The following ITGA9 variants were observed in gnomAD, a reference collection of about 807,000 sequenced individuals.
ITGA9 encodes integrin subunit alpha 9.
ITGA9 carries 56 observed loss-of-function variants against 127.8 expected under a neutral mutation model. That is an observed-to-expected ratio of 0.44 (90% CI 0.35 to 0.55). ITGA9 has a LOEUF of 0.55. Among genes scored for constraint, ITGA9 ranks in the 20% least tolerant of loss-of-function variants. The probability of loss-of-function intolerance (pLI) is 0.00; values close to 1 mark genes in which losing one functional copy is unlikely to be tolerated. For missense variants in ITGA9, 1,196 were observed against 1,347.1 expected, an observed-to-expected ratio of 0.89 and a Z score of 1.76; for synonymous variants, 508 against 514.5, an observed-to-expected ratio of 0.99 and a Z score of 0.17.
intron 27 of ITGA9, among the ~76,000 whole-genome samples, chr3:37,809,714 T>G (rs1697344065): frequency 6.6e-6 from 1 of 152,130 alleles, no homozygotes; most frequent in African/African-American, 2.4e-5. Context: ...GCAATTGAAA[T>G]GTAGGATTAT....
chr3:37,544,832 G>C (rs1043228737), intron 15 of ITGA9, among the ~76,000 whole-genome samples: 16 of 152,234 alleles, frequency 1.1e-4, no homozygotes, highest in African/African-American at 3.9e-4. Context: ...TATGGTTCAA[G>C]AGGCAACATT....
In ITGA9 at chr3:37,471,154, G is replaced by GCC; in HGVS notation, c.313+20_313+21insCC. On this transcript the variant is annotated intron_variant, in intron 2 of 27. Transcript: ENST00000264741. ...CTCGAGGTGGGTGACCATTACTGCT[G>GCC]TGGTGGAAATGGGTTCTGTACCCTT... The GCC allele has an allele frequency of 6.2e-7, 1 of 1,613,612 alleles. No individual in the cohort carries two copies. Among genetic ancestry groups the GCC allele is most frequent in the South Asian group, 1.1e-5 (1 of 91,042 alleles).
chr3:37,815,158 A>G (rs10510697), intron 27 of ITGA9, among the ~76,000 whole-genome samples: 11,231 of 152,308 alleles, frequency 0.074, 448 homozygotes, highest in Middle Eastern at 0.15. Context: ...CAAGAATTGC[A>G]TACATAAAAA....
At chr3:37,769,823 A>T (rs562142061) in intron 23 of ITGA9, among the ~76,000 whole-genome samples, 44 of 152,258 alleles carry the variant, frequency 2.9e-4, no homozygotes, top group African/African-American at 1.1e-3. Context: ...TGTAGACAAG[A>T]TTTATAATCT....
rs139591293 is a variant in ITGA9, at chr3:37,480,868, C to T, written c.421-616C>T. Among the ~76,000 whole-genome samples the T allele has an allele frequency of 1.8e-3, 269 of 152,300 alleles. 2 individuals are homozygous for T. The highest frequency in any genetic ancestry group is 6.8e-3 in the Middle Eastern group (2 of 294). On this transcript the variant is annotated intron_variant, in intron 3 of 27. Transcript: ENST00000264741. ...ATTTGCACTTTTGCCCTCCTGCAGT[C>T]TCCACCAAGCAGCCAAATGGTCTTT...
rs570034113 is a variant in ITGA9 at position 37,794,886 on chromosome 3, G to A, written c.2890-8937G>A. Among the ~76,000 whole-genome samples, 39 of 152,178 alleles carry A rather than the reference G, an allele frequency of 2.6e-4. No homozygotes were observed. In the South Asian group the frequency reaches 5.8e-3, roughly 23 times the overall value. On this transcript the variant is annotated intron_variant, in intron 26 of 27. Transcript: ENST00000264741. ...AGTTTATTTTCTGTTCATTTATGTC[G>A]TCTCCATAAGTCTCCCTGTGCCTCT...
At chr3:37,587,853 A>T (rs750511561) in intron 15 of ITGA9, among the ~76,000 whole-genome samples, 3 of 152,208 alleles carry the variant, frequency 2.0e-5, no homozygotes, top group Non-Finnish European at 2.9e-5. Flanking sequence ...TCCTTGCAAC[A>T]TTAGAACCAG....
rs750650637 is a variant in ITGA9, at chr3:37,777,402, A to G, written c.2552A>G (p.Glu851Gly). ...FHVQEMVVGQ[E>G]KGNCSFQKNP... is the part of the protein sequence containing the mutation. Reference sequence around the variant, plus strand: ...TCTTTTCATTTGCAGGTGGGCCAAGAGAAGGGAAACTGCTCTTTCCAGAAA... The same window carrying G: ...TCTTTTCATTTGCAGGTGGGCCAAGGGAAGGGAAACTGCTCTTTCCAGAAA... Residue 851 changes from glutamate to glycine, a missense_variant, in exon 24 of 28, where the codon GAG (glutamate) becomes GGG (glycine). Coordinates refer to ENST00000264741, the MANE Select transcript of ITGA9 (RefSeq NM_002207.3). The G allele has an allele frequency of 1.9e-6, 3 of 1,614,164 alleles. No individual in the cohort carries two copies. The highest frequency in any genetic ancestry group is 1.7e-5 in the Admixed American group (1 of 60,022).
rs546967129 is a variant in ITGA9 at position 37,645,720 on chromosome 3, A to T, written c.1840-7994A>T. Among the ~76,000 whole-genome samples, 5 of 152,308 alleles carry T rather than the reference A, an allele frequency of 3.3e-5. No homozygotes were observed. In the East Asian group the frequency reaches 9.6e-4, roughly 29 times the overall value. ...TATAAACAGTGTTGAATCCATGTCA[A>T]TAATTGTATTTTTTAAAAGCAAATA... On this transcript the variant is annotated intron_variant, in intron 16 of 27. Coordinates refer to ENST00000264741, the MANE Select transcript of ITGA9 (RefSeq NM_002207.3).
At chr3:37,587,642 A>G (rs1467684003) in intron 15 of ITGA9, among the ~76,000 whole-genome samples, 6 of 152,022 alleles carry the variant, frequency 3.9e-5, no homozygotes, top group African/African-American at 1.5e-4. Flanking sequence ...TGAGTACTGC[A>G]TTTATTTGCT....
chr3:37,453,298 C>T (rs1698221503), intron 1 of ITGA9, among the ~76,000 whole-genome samples: 2 of 152,202 alleles, frequency 1.3e-5, no homozygotes. Context: ...GAGACCTTCA[C>T]CAGAAGCCTT....
At chr3:37,515,929 T>G (rs1231344266) in intron 9 of ITGA9, among the ~76,000 whole-genome samples, 1 of 152,132 alleles carries the variant, frequency 6.6e-6, no homozygotes, top group Non-Finnish European at 1.5e-5. Context: ...TGCTTATTGG[T>G]ACCTGTTGCA....
chr3:37,659,805 C>T (rs1395606300), intron 17 of ITGA9, among the ~76,000 whole-genome samples: 3 of 152,112 alleles, frequency 2.0e-5, no homozygotes, highest in African/African-American at 7.2e-5. Flanking sequence ...AGTTTTTCCT[C>T]ATCTTCATGG....
intron 4 of ITGA9, among the ~76,000 whole-genome samples, chr3:37,486,288 G>A (rs141533374): frequency 7.3e-4 from 111 of 152,334 alleles, no homozygotes; most frequent in Middle Eastern, 3.4e-3. Flanking sequence ...AGGTAATTAT[G>A]ATGCCATGGT....
intron 15 of ITGA9, among the ~76,000 whole-genome samples, chr3:37,551,300 A>T (rs1234167549): frequency 6.6e-6 from 1 of 152,156 alleles, no homozygotes; most frequent in Admixed American, 6.5e-5. Flanking sequence ...CACTCTGAAG[A>T]TGCACAGCAG....
intron 15 of ITGA9, among the ~76,000 whole-genome samples, chr3:37,617,838 A>G (rs1345782457): frequency 3.3e-5 from 5 of 152,048 alleles, no homozygotes; most frequent in Non-Finnish European, 7.4e-5. Context: ...ACTTCTCTGC[A>G]TTGGTTATTC....
chr3:37,751,042 G>A (rs1386717377), intron 23 of ITGA9, among the ~76,000 whole-genome samples: 1 of 152,238 alleles, frequency 6.6e-6, no homozygotes, highest in Non-Finnish European at 1.5e-5. Flanking sequence ...TATGGAGCAG[G>A]TGAATATCTG....
At chr3:37,627,793 A>G (rs1001467776) in intron 15 of ITGA9, among the ~76,000 whole-genome samples, 1 of 152,210 alleles carries the variant, frequency 6.6e-6, no homozygotes, top group African/African-American at 2.4e-5. Flanking sequence ...GTATGTCATC[A>G]AAAAGAAGGT....
rs1390579356 is a variant in ITGA9 at position 37,771,305 on chromosome 3, G to A, written c.2542-6087G>A. Among the ~76,000 whole-genome samples the A allele has an allele frequency of 2.6e-5, 4 of 152,170 alleles. No individual in the cohort carries two copies. The East Asian group carries it at 5.8e-4, about 22-fold the overall frequency. ...CCCCTTGACTTTGAGCAAAGAGTGC[G>A]GTTAAAACCAAGTTGTGGGAGGATG... On this transcript the variant is annotated intron_variant, in intron 23 of 27. Transcript: ENST00000264741.
Sources: gnomAD v4.1 joint callset for allele counts (sites outside exome capture counted in the v4.1 genomes callset) on GRCh38, gnomAD v4.1.1 for gene constraint, MANE v1.5 for transcripts, NCBI Gene and HGNC (gene_info 2026-07-23, HGNC 2026-07-21) for gene names.